The following GRXCR2 variants were observed in gnomAD, a reference collection of about 807,000 sequenced individuals.
GRXCR2 encodes glutaredoxin domain-containing cysteine-rich protein 2.
In GRXCR2, 23 loss-of-function variants were observed where a neutral mutation model predicts 24.8. The observed-to-expected ratio is 0.93, with a 90% CI of 0.67 to 1.32. GRXCR2 has a LOEUF of 1.32. Ranked by LOEUF, GRXCR2 falls within the 40% of genes most tolerant of loss-of-function variation. The pLI, the probability that GRXCR2 is intolerant of heterozygous loss-of-function variation, is 0.00. For synonymous variants in GRXCR2, 130 were observed against 116.1 expected (o/e 1.12, Z -0.77); for missense variants, 315 against 303.4 (o/e 1.04, Z -0.28).
chr5:145,895,019 A>G (rs1251239520), intron 2 of GRXCR2, among the ~76,000 whole-genome samples: 3 of 152,172 alleles, frequency 2.0e-5, no homozygotes, highest in African/African-American at 7.2e-5. Context: ...ATATAAACAG[A>G]ACCAACGACA....
At chr5:145,865,119 C>G (rs1374694065) in intron 2 of GRXCR2, among the ~76,000 whole-genome samples, 2 of 152,152 alleles carry the variant, frequency 1.3e-5, no homozygotes, top group East Asian at 3.9e-4. Flanking sequence ...TTGTTCTCAT[C>G]ATCTGAACCC....
At chr5:145,917,606 G>A (rs1757259988) in intron 2 of GRXCR2, among the ~76,000 whole-genome samples, 1 of 152,204 alleles carries the variant, frequency 6.6e-6, no homozygotes, top group South Asian at 2.1e-4. Flanking sequence ...AATGACCCCA[G>A]AGGTGTGGAG....
chr5:145,915,916 G>C (rs999522740), intron 2 of GRXCR2, among the ~76,000 whole-genome samples: 5 of 152,166 alleles, frequency 3.3e-5, no homozygotes, highest in African/African-American at 9.7e-5. Context: ...GCCTGGAACA[G>C]AATTAATGCA....
intron 2 of GRXCR2, among the ~76,000 whole-genome samples, chr5:145,924,414 C>T (rs914697451): frequency 3.3e-5 from 5 of 152,124 alleles, no homozygotes. Context: ...AATAATAATA[C>T]TAATTCCCCC....
At chr5:145,890,054 C>G (rs560070559) in intron 2 of GRXCR2, among the ~76,000 whole-genome samples, 6 of 152,216 alleles carry the variant, frequency 3.9e-5, no homozygotes, top group South Asian at 4.1e-4. Flanking sequence ...TGAACTAAAC[C>G]AATCTGACAA....
In GRXCR2 at chr5:145,914,855, T is replaced by C. The variant is rs554911619; in HGVS notation, c.-70+20846A>G. Among the ~76,000 whole-genome samples the C allele has an allele frequency of 2.2e-4, 34 of 152,300 alleles. No individual in the cohort carries two copies. In the South Asian group the frequency reaches 7.0e-3, roughly 32 times the overall value. Reference sequence around the variant, plus strand: ...ATGTCCTTGGGCATCTGTGAGAGACTGCCAGAGGCAAAGTCAGGCCACCCG... The same window carrying C: ...ATGTCCTTGGGCATCTGTGAGAGACCGCCAGAGGCAAAGTCAGGCCACCCG... On this transcript the variant is annotated intron_variant, in intron 2 of 3. Transcript: ENST00000639411.
chr5:145,903,867 T>C (rs1452438811), intron 2 of GRXCR2, among the ~76,000 whole-genome samples: 2 of 152,162 alleles, frequency 1.3e-5, no homozygotes, highest in Non-Finnish European at 2.9e-5. Flanking sequence ...GGAAACAAAA[T>C]GTTCTGGGAA....
At chr5:145,891,306 C>T (rs973545716) in intron 2 of GRXCR2, among the ~76,000 whole-genome samples, 2 of 152,118 alleles carry the variant, frequency 1.3e-5, no homozygotes, top group African/African-American at 4.8e-5. Flanking sequence ...GGGTTCAGCA[C>T]ACCGAGCATG....
intron 2 of GRXCR2, among the ~76,000 whole-genome samples, chr5:145,883,314 T>C (rs1756731099): frequency 6.6e-6 from 1 of 152,190 alleles, no homozygotes; most frequent in African/African-American, 2.4e-5. Context: ...TTCTAAATTT[T>C]CCATAATGAG....
chr5:145,906,359 A>G (rs1014568132), intron 2 of GRXCR2, among the ~76,000 whole-genome samples: 55 of 150,568 alleles, frequency 3.7e-4, no homozygotes, highest in Middle Eastern at 3.4e-3. Context: ...AAAAAAAAAA[A>G]GGGGGGTGCT....
intron 2 of GRXCR2, among the ~76,000 whole-genome samples, chr5:145,889,217 A>G (rs570463836): frequency 4.0e-5 from 6 of 151,108 alleles, no homozygotes; most frequent in African/African-American, 1.2e-4. Context: ...AGAAAGAAAG[A>G]AAGAAAGAAA....
chr5:145,873,656 G>A (rs2149912627), upstream of GRXCR2, among the ~76,000 whole-genome samples: 1 of 152,316 alleles, frequency 6.6e-6, no homozygotes, highest in East Asian at 1.9e-4. Flanking sequence ...ATACAGTGGA[G>A]GTTCTTGGAG....
Position 145,887,468 on chromosome 5 carries a change from T to G in GRXCR2, c.-69-20740A>C, listed in dbSNP as rs931349302. Among the ~76,000 whole-genome samples, 3 of 152,230 alleles carry G rather than the reference T, an allele frequency of 2.0e-5. No homozygotes were observed. In the South Asian group the frequency reaches 6.2e-4, roughly 31 times the overall value. ...TATGGAACTTTGTGGAAACATTTAT[T>G]TTTTAGTACTGTACTCAAAATGAAT... On this transcript the variant is annotated intron_variant, in intron 2 of 3. Coordinates refer to the GRXCR2 transcript ENST00000639411.
At chr5:145,891,885 G>A (rs1756870599) in intron 2 of GRXCR2, among the ~76,000 whole-genome samples, 1 of 152,194 alleles carries the variant, frequency 6.6e-6, no homozygotes, top group Admixed American at 6.5e-5. Context: ...ACATCCCCCA[G>A]TAGGGGCAGA....
At chr5:145,868,378 T>A (rs555523136) in intron 1 of GRXCR2, among the ~76,000 whole-genome samples, 1 of 152,320 alleles carries the variant, frequency 6.6e-6, no homozygotes, top group South Asian at 2.1e-4. Context: ...GAGCAAGACT[T>A]CAATATTCAG....
At chr5:145,878,311 C>T (rs577054525) in intron 2 of GRXCR2, among the ~76,000 whole-genome samples, 34 of 152,092 alleles carry the variant, frequency 2.2e-4, no homozygotes, top group Non-Finnish European at 3.4e-4. Context: ...AAAGGTTAGA[C>T]GAATGGTTAA....
chr5:145,927,551 A>G (rs935431801), intron 2 of GRXCR2, among the ~76,000 whole-genome samples: 12 of 152,154 alleles, frequency 7.9e-5, no homozygotes, highest in Non-Finnish European at 1.6e-4. Flanking sequence ...GCGTATGTTG[A>G]ACCAGCCTTG....
chr5:145,868,695 G>T (rs114289359), intron 1 of GRXCR2, among the ~76,000 whole-genome samples: 1 of 152,028 alleles, frequency 6.6e-6, no homozygotes, highest in Non-Finnish European at 1.5e-5. Flanking sequence ...CTCTCAATAC[G>T]CTAAAAGAAT....
Position 145,922,138 on chromosome 5 carries a change from G to A in GRXCR2, c.-70+13563C>T, listed in dbSNP as rs374767643. ...TTTGCCAAGCATTTTGTGATCATGC[G>A]GCTGCCCATACTCCAGCCCCAAAGC... On this transcript the variant is annotated intron_variant, in intron 2 of 3. Transcript: ENST00000639411. 2.6e-3 allele frequency among the ~76,000 whole-genome samples: 401 copies of A among 152,210 alleles called. 1 individual carries two copies. Among genetic ancestry groups the A allele is most frequent in the African/African-American group, 9.0e-3 (372 of 41,526 alleles).
Sources: allele counts gnomAD v4.1 joint callset (sites outside exome capture counted in the v4.1 genomes callset), GRCh38; gene constraint gnomAD v4.1.1; transcripts MANE v1.5; gene names NCBI Gene and HGNC (gene_info 2026-07-23, HGNC 2026-07-21).